Variants in SNX4 observed in about 807,000 individuals in gnomAD.
SNX4 encodes sorting nexin-4.
SNX4 carries 49 observed loss-of-function variants against 70.8 expected under a neutral mutation model. That is an observed-to-expected ratio of 0.69 (90% CI 0.55 to 0.88). The LOEUF is 0.88. Ranked by LOEUF, SNX4 falls within the 40% of genes least tolerant of loss-of-function variation. SNX4 has a pLI of 0.00. For synonymous variants in SNX4, 206 were observed against 183.8 expected (o/e 1.12, Z -0.98); for missense variants, 528 against 544.8 (o/e 0.97, Z 0.31).
chr3:125,519,026 A>AATT (rs1935339014), intron 1 of SNX4, among the ~76,000 whole-genome samples: 2 of 150,016 alleles, frequency 1.3e-5, no homozygotes, highest in South Asian at 2.1e-4. Context: ...ATAAATAAAT[A>AATT]AATTAATTAA....
At chr3:125,490,586 G>GCT (rs1350556646) in intron 5 of SNX4, among the ~76,000 whole-genome samples, 1 of 145,382 alleles carries the variant, frequency 6.9e-6, no homozygotes, top group East Asian at 2.0e-4. Flanking sequence ...AATAAAACAA[G>GCT]CTAGATTACA....
chr3:125,490,383 G>A lies in SNX4; in HGVS notation c.598-920C>T, dbSNP rs942022254. ...TAAAAATACAAAAAATTAGCCAGGC[G>A]TGGTGGCGCGTGCCTGTAGTCCCAG... On this transcript the variant is annotated intron_variant, in intron 5 of 13. Coordinates refer to ENST00000251775, the MANE Select transcript of SNX4 (RefSeq NM_003794.4). Among the ~76,000 whole-genome samples the A allele has an allele frequency of 5.3e-5, 8 of 151,554 alleles. No individual in the cohort carries two copies. The South Asian group carries it at 1.0e-3, about 20-fold the overall frequency.
At chr3:125,453,730 AAAATAAAT>A (rs1045255659) in intron 12 of SNX4, 72 bp downstream of exon 12, 6 of 1,330,746 alleles carry the variant, frequency 4.5e-6, no homozygotes, top group Admixed American at 2.4e-5. Flanking sequence ...AATTGTTACC[AAAATAAAT>A]AAATAAATAA....
chr3:125,464,806 A>T (rs1933969662), intron 9 of SNX4, among the ~76,000 whole-genome samples: 1 of 151,836 alleles, frequency 6.6e-6, no homozygotes, highest in Non-Finnish European at 1.5e-5. Flanking sequence ...GCAGTGGTGC[A>T]ATCTTAGGCT....
intron 9 of SNX4, among the ~76,000 whole-genome samples, chr3:125,469,103 T>C (rs1934107348): frequency 6.6e-6 from 1 of 152,214 alleles, no homozygotes; most frequent in Non-Finnish European, 1.5e-5. Context: ...ATTTCACTAT[T>C]AAGTACAATA....
chr3:125,480,856 CAT>C (rs966577420), intron 6 of SNX4, among the ~76,000 whole-genome samples: 1 of 152,148 alleles, frequency 6.6e-6, no homozygotes, highest in African/African-American at 2.4e-5. Context: ...CACACTTCCC[CAT>C]ATCTACATCA....
chr3:125,461,795 G>A (rs2107530893), intron 9 of SNX4, among the ~76,000 whole-genome samples: 1 of 152,042 alleles, frequency 6.6e-6, no homozygotes, highest in Non-Finnish European at 1.5e-5. Context: ...CCAAGTAGCT[G>A]GGACTACAGG....
At position 125,520,088 on chromosome 3, in the gene SNX4, C is replaced by A; in HGVS notation, c.85G>T (p.Ala29Ser). The A allele has an allele frequency of 6.5e-7, 1 of 1,535,146 alleles. No homozygotes were observed. The highest frequency in any genetic ancestry group is 2.0e-5 in the Admixed American group (1 of 49,726). Residue 29 changes from alanine (A) to serine (S), a missense_variant, in exon 1 of 14, where the codon GCT (alanine) becomes TCT (serine). Physicochemically the swap from Ala to Ser is moderately conservative, Grantham distance 99 (BLOSUM62 1). Coordinates refer to ENST00000251775, the MANE Select transcript of SNX4 (RefSeq NM_003794.4). Reference sequence around the variant, plus strand: ...CCCTCCGCTTCCTTGCCGACCGCAGCCCCCAGCCCAGCGTCTGGGGAGCCC... The same window carrying A: ...CCCTCCGCTTCCTTGCCGACCGCAGACCCCAGCCCAGCGTCTGGGGAGCCC... The part of the protein sequence containing the change: ...PLGSPDAGLG[A>S]AVGKEAEGAG...
At position 125,495,277 on chromosome 3, in the gene SNX4, T is replaced by TATATATATATATATATATATATATAC; in HGVS notation, c.597+2063_597+2064insGTATATATATATATATATATATATAT. Reference sequence around the variant, plus strand: ...ATATATATATATATATATATATATATACACATACACACACACACACGTATG... The same window carrying TATATATATATATATATATATATATAC: ...ATATATATATATATATATATATATATATATATATATATATATATATATATACACACATACACACACACACACGTATG... On this transcript the variant is annotated intron_variant, in intron 5 of 13. Coordinates refer to ENST00000251775, the MANE Select transcript of SNX4 (RefSeq NM_003794.4). Among the ~76,000 whole-genome samples the TATATATATATATATATATATATATAC allele has an allele frequency of 1.1e-3, 109 of 99,564 alleles. 3 individuals carry two copies. Among genetic ancestry groups the TATATATATATATATATATATATATAC allele is most frequent in the Middle Eastern group, 5.6e-3 (1 of 180 alleles). The allele number at this position is 99,564 out of a possible 152,430, so 65.3% of individuals were successfully genotyped here.
At chr3:125,450,900 T>A (rs1472571249) in intron 13 of SNX4, among the ~76,000 whole-genome samples, 1 of 152,178 alleles carries the variant, frequency 6.6e-6, no homozygotes, top group Non-Finnish European at 1.5e-5. Context: ...TATTCTCAAA[T>A]ACAAGTTATA....
At chr3:125,468,689 A>G (rs1457041538) in intron 9 of SNX4, among the ~76,000 whole-genome samples, 1 of 152,180 alleles carries the variant, frequency 6.6e-6, no homozygotes, top group Non-Finnish European at 1.5e-5. Flanking sequence ...CTACAAAAAA[A>G]TAAAAAATAA....
Position 125,504,610 on chromosome 3 carries a change from TTC to T in SNX4, c.263+11_263+12del. On this transcript the variant is annotated intron_variant, in intron 2 of 13. Coordinates refer to ENST00000251775, the MANE Select transcript of SNX4 (RefSeq NM_003794.4). The stretch of plus-strand genomic sequence containing the variant: ...TTCTGTCTACCTGCCCAGGTGTAAT[TTC>T]TGTTACCCACCTTGTTTCAATGAGG... 2.5e-6 allele frequency: 4 copies of T among 1,608,182 alleles called. No homozygotes were observed. The highest frequency in any genetic ancestry group is 3.4e-6 in the Non-Finnish European group (4 of 1,177,366).
chr3:125,475,535 T>C (rs944276671), intron 8 of SNX4, among the ~76,000 whole-genome samples: 1 of 152,168 alleles, frequency 6.6e-6, no homozygotes, highest in Admixed American at 6.5e-5. Context: ...TGGCTAATTT[T>C]TGTATTTTTA....
intron 8 of SNX4, among the ~76,000 whole-genome samples, chr3:125,471,995 T>C (rs1035907845): frequency 6.6e-6 from 1 of 152,132 alleles, no homozygotes; most frequent in Non-Finnish European, 1.5e-5. Context: ...AGCAGCACCA[T>C]GAACATACTA....
intron 12 of SNX4, among the ~76,000 whole-genome samples, chr3:125,453,078 T>C (rs551212898): frequency 4.2e-4 from 64 of 152,334 alleles, no homozygotes; most frequent in African/African-American, 1.5e-3. Flanking sequence ...CAAACAGTGA[T>C]AGTGGGTCTC....
chr3:125,505,847 A>G (rs59898492), intron 1 of SNX4, among the ~76,000 whole-genome samples: 7,332 of 152,180 alleles, frequency 0.048, 416 homozygotes, highest in African/African-American at 0.13. Context: ...TTTAGTCCTA[A>G]CTACTAAGGA....
At chr3:125,500,522 C>T (rs910574753) in intron 2 of SNX4, among the ~76,000 whole-genome samples, 1 of 151,848 alleles carries the variant, frequency 6.6e-6, no homozygotes, top group Non-Finnish European at 1.5e-5. Flanking sequence ...AATTTACTGG[C>T]CAGGCGCAGT....
chr3:125,468,912 T>C (rs539471917), intron 9 of SNX4, among the ~76,000 whole-genome samples: 73 of 152,126 alleles, frequency 4.8e-4, no homozygotes, highest in Non-Finnish European at 8.5e-4. Flanking sequence ...TGATTGTTTA[T>C]GGTTTTCTGT....
At chr3:125,515,229 A>G (rs1188847454) in intron 1 of SNX4, among the ~76,000 whole-genome samples, 3 of 151,944 alleles carry the variant, frequency 2.0e-5, no homozygotes, top group East Asian at 1.9e-4. Context: ...GCGTGTGCCT[A>G]TAGTCCCAGC....
Sources: allele counts gnomAD v4.1 joint callset (sites outside exome capture counted in the v4.1 genomes callset), GRCh38; gene constraint gnomAD v4.1.1; transcripts MANE v1.5; gene names NCBI Gene and HGNC (gene_info 2026-07-23, HGNC 2026-07-21).